The following KAZN variants were observed in gnomAD, a reference collection of about 807,000 sequenced individuals.
KAZN encodes the protein kazrin.
KAZN carries 40 observed loss-of-function variants against 87.4 expected under a neutral mutation model. The ratio of observed to expected loss-of-function variants is 0.46; its 90% confidence interval spans 0.36 to 0.60. The LOEUF (loss-of-function observed/expected upper bound fraction) is 0.60, where lower values mean the gene tolerates loss of function less well. Ranked by LOEUF, KAZN falls within the 20% of genes least tolerant of loss-of-function variation. The pLI, the probability that KAZN is intolerant of heterozygous loss-of-function variation, is 0.00. For synonymous variants in KAZN, 466 were observed against 458.3 expected, an observed-to-expected ratio of 1.02 and a Z score of -0.22; for missense variants, 898 against 1,073.9, an observed-to-expected ratio of 0.84 and a Z score of 2.29.
At chr1:14,219,389 T>G (rs759638605) in intron 2 of KAZN, among the ~76,000 whole-genome samples, 5 of 152,210 alleles carry the variant, frequency 3.3e-5, no homozygotes, top group Non-Finnish European at 7.4e-5. Flanking sequence ...TATAATAGTT[T>G]ATTAAACTAA....
At chr1:14,332,321 T>G (rs200763485) in intron 2 of KAZN, among the ~76,000 whole-genome samples, 1 of 152,174 alleles carries the variant, frequency 6.6e-6, no homozygotes. Flanking sequence ...AGCCAAAGTA[T>G]CTTTGGGAAG....
intron 1 of KAZN, among the ~76,000 whole-genome samples, chr1:14,672,657 G>A (rs1384735675): frequency 6.6e-6 from 1 of 152,180 alleles, no homozygotes; most frequent in Non-Finnish European, 1.5e-5. Context: ...AGGCTGTCAG[G>A]GGGCTCACAG....
intron 2 of KAZN, among the ~76,000 whole-genome samples, chr1:14,557,104 G>T (rs1673931283): frequency 6.6e-6 from 1 of 152,022 alleles, no homozygotes; most frequent in Admixed American, 6.6e-5. Flanking sequence ...TCTGCCCTAG[G>T]ACCAACAAAA....
At chr1:14,622,130 A>G (rs563178923) in intron 1 of KAZN, among the ~76,000 whole-genome samples, 1 of 152,292 alleles carries the variant, frequency 6.6e-6, no homozygotes, top group East Asian at 1.9e-4. Context: ...TTACCTTGTG[A>G]GCTGCTTGAA....
intron 1 of KAZN, among the ~76,000 whole-genome samples, chr1:14,806,019 G>A (rs1646207956): frequency 6.6e-6 from 1 of 152,188 alleles, no homozygotes; most frequent in African/African-American, 2.4e-5. Context: ...TTCCTCTTAG[G>A]AGGAACAGGC....
chr1:14,876,330 T>C (rs936867008), intron 1 of KAZN, among the ~76,000 whole-genome samples: 4 of 152,228 alleles, frequency 2.6e-5, no homozygotes, highest in Non-Finnish European at 5.9e-5. Context: ...CAGAATGACA[T>C]TAGCGATAGT....
chr1:14,720,549 C>T (rs1643040275), intron 1 of KAZN, among the ~76,000 whole-genome samples: 1 of 151,402 alleles, frequency 6.6e-6, no homozygotes, highest in Non-Finnish European at 1.5e-5. Context: ...TCTGACAAAC[C>T]ATCTTCTGTC....
At chr1:15,058,305 C>T (rs552939871) in intron 5 of KAZN, among the ~76,000 whole-genome samples, 1 of 152,212 alleles carries the variant, frequency 6.6e-6, no homozygotes, top group African/African-American at 2.4e-5. Context: ...GGTCACACAG[C>T]CTGTAGGGTA....
chr1:14,622,311 T>C (rs897852473), intron 1 of KAZN, among the ~76,000 whole-genome samples: 2 of 152,298 alleles, frequency 1.3e-5, no homozygotes, highest in African/African-American at 4.8e-5. Context: ...TAGGCCTTCA[T>C]GGGAGTTTGG....
chr1:14,558,804 G>A (rs548436199), intron 2 of KAZN, among the ~76,000 whole-genome samples: 67 of 152,178 alleles, frequency 4.4e-4, no homozygotes, highest in Middle Eastern at 6.8e-3. Context: ...AGGCTGTTCC[G>A]GTTAAGCATC....
At chr1:14,156,445 C>G (rs1007619264) in intron 1 of KAZN, among the ~76,000 whole-genome samples, 2 of 152,104 alleles carry the variant, frequency 1.3e-5, no homozygotes, top group African/African-American at 4.8e-5. Flanking sequence ...GTAGAAGTCT[C>G]CAGCTATTAT....
chr1:13,938,719 C>G (rs534536321), intron 1 of KAZN, among the ~76,000 whole-genome samples: 2 of 152,342 alleles, frequency 1.3e-5, no homozygotes, highest in South Asian at 2.1e-4. Flanking sequence ...GGGACCACCT[C>G]TGCAGCAGGC....
intron 3 of KAZN, among the ~76,000 whole-genome samples, chr1:15,039,282 C>T (rs918925682): frequency 2.0e-5 from 3 of 152,102 alleles, no homozygotes; most frequent in African/African-American, 7.2e-5. Flanking sequence ...GGCCGAGGGC[C>T]ACACGATTAT....
chr1:14,051,151 A>G (rs1407640508), intron 1 of KAZN, among the ~76,000 whole-genome samples: 3 of 152,216 alleles, frequency 2.0e-5, no homozygotes, highest in Admixed American at 6.5e-5. Context: ...ATCAAGCGTC[A>G]TAGAATTCTT....
chr1:14,774,097 C>G (rs1645102429), intron 1 of KAZN, among the ~76,000 whole-genome samples: 1 of 152,186 alleles, frequency 6.6e-6, no homozygotes. Flanking sequence ...TCTTTTCCAG[C>G]ACCGATAGCT....
chr1:14,644,857 T>C (rs1391010509), intron 1 of KAZN, among the ~76,000 whole-genome samples: 1 of 152,242 alleles, frequency 6.6e-6, no homozygotes, highest in Non-Finnish European at 1.5e-5. Context: ...TTTGGTGTCT[T>C]TGTCGTGAAA....
chr1:14,080,459 C>A (rs778852649), intron 1 of KAZN, among the ~76,000 whole-genome samples: 9 of 134,940 alleles, frequency 6.7e-5, no homozygotes, highest in Middle Eastern at 3.5e-3. Flanking sequence ...GAATTTATAT[C>A]CTGCCCTTAG....
rs140883140 is a variant in KAZN at position 14,587,190 on chromosome 1, C to A, written c.250-11793C>A. On this transcript the variant is annotated intron_variant, in intron 2 of 16. Transcript: ENST00000636203. ...GTGGCTCATGCCTGTAATCCCAGCA[C>A]TTTGGAAGGCCAAGGAGGGTGGATC... Among the ~76,000 whole-genome samples the A allele has an allele frequency of 4.0e-3, 610 of 152,222 alleles. 5 individuals carry two copies. Among genetic ancestry groups the A allele is most frequent in the African/African-American group, 0.014 (588 of 41,542 alleles).
intron 2 of KAZN, among the ~76,000 whole-genome samples, chr1:14,385,160 A>T (rs1341332223): frequency 2.0e-5 from 3 of 152,100 alleles, no homozygotes; most frequent in Non-Finnish European, 2.9e-5. Context: ...ATCAGTGGTG[A>T]TAACCCCTTT....
Sources: gnomAD v4.1 joint callset for allele counts (sites outside exome capture counted in the v4.1 genomes callset) on GRCh38, gnomAD v4.1.1 for gene constraint, MANE v1.5 for transcripts, NCBI Gene and HGNC (gene_info 2026-07-23, HGNC 2026-07-21) for gene names.